ABLIM2: variants seen among roughly 807,000 people sequenced by gnomAD.
ABLIM2 encodes actin-binding LIM protein 2.
A neutral mutation model predicts 97.7 loss-of-function variants in ABLIM2; 53 were observed. The observed-to-expected ratio is 0.54, with a 90% confidence interval of 0.44 to 0.68. The LOEUF is 0.68. ABLIM2 is among the 30% of genes least tolerant of loss of function. The pLI is 0.00. For synonymous variants in ABLIM2, 361 were observed against 345.8 expected (o/e 1.04, Z -0.49); for missense variants, 835 against 867.2 (o/e 0.96, Z 0.47).
At chr4:7,968,760 G>A (rs1348420119) in intron 20 of ABLIM2, among the ~76,000 whole-genome samples, 3 of 152,074 alleles carry the variant, frequency 2.0e-5, no homozygotes, top group East Asian at 1.9e-4. Context: ...GGAATGTTCC[G>A]GAGTTGGAAT....
At chr4:8,074,106 A>G (rs1016538198) in intron 6 of ABLIM2, among the ~76,000 whole-genome samples, 16 of 150,380 alleles carry the variant, frequency 1.1e-4, no homozygotes, top group East Asian at 1.9e-4. Context: ...AAAAAAAAAA[A>G]AAAAAAAAAA....
intron 6 of ABLIM2, among the ~76,000 whole-genome samples, chr4:8,063,279 A>C (rs184568602): frequency 1.3e-4 from 20 of 152,288 alleles, no homozygotes; most frequent in Non-Finnish European, 2.1e-4. Context: ...GTTGGCCAGG[A>C]TGGTCTCAAT....
intron 2 of ABLIM2, among the ~76,000 whole-genome samples, chr4:8,105,367 C>A (rs190490354): frequency 5.3e-4 from 80 of 152,348 alleles, no homozygotes; most frequent in African/African-American, 1.9e-3. Context: ...CAGCAGACAG[C>A]GAATGTGTCC....
In ABLIM2 at chr4:8,127,226, G is replaced by A. The variant is rs966053856; in HGVS notation, c.11-20589C>T. On this transcript the variant is annotated intron_variant, in intron 1 of 20. Transcript: ENST00000447017. This position sits in a 1 kb window ranked among gnomAD's most constrained non-coding sequence, Gnocchi z 7.3. The stretch of plus-strand genomic sequence containing the variant: ...GGTCAGTGGGTGCTGGAGTCCAGAC[G>A]CAGCTCCGATACCAGCACCGTGTGA... 2.0e-5 allele frequency among the ~76,000 whole-genome samples: 3 copies of A among 152,146 alleles called. No homozygotes were observed. Among genetic ancestry groups the A allele is most frequent in the African/African-American group, 7.2e-5 (3 of 41,444 alleles).
rs1399931290 is a variant in ABLIM2 at position 8,140,925 on chromosome 4, T to A, written c.10+17755A>T. Among the ~76,000 whole-genome samples, 1 of 152,052 alleles carries A rather than the reference T, an allele frequency of 6.6e-6. No homozygotes were observed. Among genetic ancestry groups the A allele is most frequent in the Non-Finnish European group, 1.5e-5 (1 of 68,016 alleles). On this transcript the variant is annotated intron_variant, in intron 1 of 20. Coordinates refer to ENST00000447017, the MANE Select transcript of ABLIM2 (RefSeq NM_001130083.2). This position sits in a 1 kb window ranked among gnomAD's most constrained non-coding sequence, Gnocchi z 5.9. ...GGTGTGAACGGTGTTTTTCTAGAACTCCTTACTCATTAAAATCCACGGTAA... is the reference window on the plus strand; with the variant it reads ...GGTGTGAACGGTGTTTTTCTAGAACACCTTACTCATTAAAATCCACGGTAA...
intron 1 of ABLIM2, 130 bp downstream of exon 1, chr4:8,158,550 G>C: frequency 8.2e-7 from 1 of 1,212,920 alleles, no homozygotes; most frequent in Non-Finnish European, 1.1e-6. Flanking sequence ...AAATCCTGGA[G>C]CAAAAGTTGG....
chr4:8,122,521 G>C lies in ABLIM2; in HGVS notation c.11-15884C>G, dbSNP rs764851132. Among the ~76,000 whole-genome samples the C allele has an allele frequency of 2.0e-5, 3 of 152,180 alleles. No homozygotes were observed. The highest frequency in any genetic ancestry group is 6.5e-5 in the Admixed American group (1 of 15,286). ...TCTTACTGTGTCCTCACAAGGCAGA[G>C]AGCGCGCTCTGGGCAGGAGTCCCAT... On this transcript the variant is annotated intron_variant, in intron 1 of 20. Coordinates refer to ENST00000447017, the MANE Select transcript of ABLIM2 (RefSeq NM_001130083.2). The surrounding 1 kb of genome is among the most constrained non-coding windows in gnomAD (Gnocchi z 4.1).
intron 16 of ABLIM2, among the ~76,000 whole-genome samples, chr4:8,000,806 AAG>A (rs2150182499): frequency 6.6e-6 from 1 of 152,230 alleles, no homozygotes; most frequent in East Asian, 1.9e-4. Context: ...CCCAGGCACT[AAG>A]AGTCCATGGG....
chr4:8,044,432 T>C lies in ABLIM2; in HGVS notation c.900+732A>G, dbSNP rs1355929901. Reference sequence around the variant, plus strand: ...CAATATTAGCAAACATTAAATACAATATTAAATATTAAATTTACATATACA... The same window carrying C: ...CAATATTAGCAAACATTAAATACAACATTAAATATTAAATTTACATATACA... On this transcript the variant is annotated intron_variant, in intron 9 of 20. Coordinates refer to ENST00000447017, the MANE Select transcript of ABLIM2 (RefSeq NM_001130083.2). This position sits in a 1 kb window ranked among gnomAD's most constrained non-coding sequence, Gnocchi z 4.4. Among the ~76,000 whole-genome samples, 1 of 151,948 alleles carries C rather than the reference T, an allele frequency of 6.6e-6. No individual in the cohort carries two copies. The highest frequency in any genetic ancestry group is 1.5e-5 in the Non-Finnish European group (1 of 67,998).
At chr4:8,063,559 G>T (rs1170589399) in intron 6 of ABLIM2, among the ~76,000 whole-genome samples, 1 of 152,230 alleles carries the variant, frequency 6.6e-6, no homozygotes, top group African/African-American at 2.4e-5. Context: ...AGGTCACACA[G>T]CAGCAGGTGG....
At chr4:8,014,385 A>AT (rs913208900) in intron 14 of ABLIM2, among the ~76,000 whole-genome samples, 5 of 152,276 alleles carry the variant, frequency 3.3e-5, no homozygotes, top group African/African-American at 9.6e-5. Context: ...CATCAACAGG[A>AT]TTTTTTTCTG....
At position 8,113,662 on chromosome 4, in the gene ABLIM2, C is replaced by T. The variant is rs1265161537; in HGVS notation, c.11-7025G>A. ...ATGGCAGGGGTTCTCATCGGAGGCC[C>T]GCTCCATCCGCCAAGATGATTTCAG... On this transcript the variant is annotated intron_variant, in intron 1 of 20. Transcript: ENST00000447017. This position sits in a 1 kb window ranked among gnomAD's most constrained non-coding sequence, Gnocchi z 4.5. Among the ~76,000 whole-genome samples the T allele has an allele frequency of 2.6e-5, 4 of 152,194 alleles. No homozygotes were observed. The highest frequency in any genetic ancestry group is 1.5e-5 in the Non-Finnish European group (1 of 68,038).
Position 8,128,844 on chromosome 4 carries a change from G to T in ABLIM2, c.11-22207C>A, listed in dbSNP as rs937027566. ...GCCTCGCTCTTTCTACCACATGAGGGTGCGAGGAAAAGGCGGCTGTCTGCA... is the reference window on the plus strand; with the variant it reads ...GCCTCGCTCTTTCTACCACATGAGGTTGCGAGGAAAAGGCGGCTGTCTGCA... On this transcript the variant is annotated intron_variant, in intron 1 of 20. Coordinates refer to ENST00000447017, the MANE Select transcript of ABLIM2 (RefSeq NM_001130083.2). The surrounding 1 kb of genome is among the most constrained non-coding windows in gnomAD (Gnocchi z 4.9). Among the ~76,000 whole-genome samples the T allele has an allele frequency of 3.3e-5, 5 of 152,294 alleles. No individual in the cohort carries two copies. Among genetic ancestry groups the T allele is most frequent in the African/African-American group, 9.6e-5 (4 of 41,560 alleles).
At position 8,007,659 on chromosome 4, in the gene ABLIM2, C is replaced by A. The variant is rs987731683; in HGVS notation, c.1618+400G>T. 6.0e-6 allele frequency: 6 copies of A among 1,003,166 alleles called. No homozygotes were observed. In the African/African-American group the frequency reaches 1.0e-4, roughly 17 times the overall value. 62.1% of individuals were successfully genotyped at this position (1,003,166 alleles called of 1,614,324 possible). A position where few individuals can be genotyped will look rare whatever the true frequency, so the allele number is the denominator to read the frequency against. On this transcript the variant is annotated intron_variant, in intron 16 of 20. Transcript: ENST00000447017. ...GAGTCACAGGGGACAGGGATGGTGC[C>A]CATCACCAACTCCAAGTCTGCACTC...
At chr4:8,131,230 CCACATGCAG>C (rs1849311610) in intron 1 of ABLIM2, among the ~76,000 whole-genome samples, 1 of 152,200 alleles carries the variant, frequency 6.6e-6, no homozygotes, top group Admixed American at 6.5e-5. Flanking sequence ...TCTCAGCCAA[CCACATGCAG>C]CAGCAGCTTA....
chr4:7,989,830 C>T (rs66787043), intron 17 of ABLIM2, among the ~76,000 whole-genome samples: 16,914 of 152,202 alleles, frequency 0.11, 1,093 homozygotes, highest in Non-Finnish European at 0.15. Flanking sequence ...TGCCACCAGT[C>T]GTCACTCTCT....
intron 12 of ABLIM2, among the ~76,000 whole-genome samples, chr4:8,026,162 A>AT (rs1777211321): frequency 1.3e-5 from 2 of 152,140 alleles, no homozygotes; most frequent in African/African-American, 2.4e-5. Context: ...ATGCACCACC[A>AT]TGCCCGGCGT....
In ABLIM2 at chr4:8,015,709, G is replaced by A. The variant is rs940054188; in HGVS notation, c.1423+3909C>T. On this transcript the variant is annotated intron_variant, in intron 14 of 20. Coordinates refer to ENST00000447017, the MANE Select transcript of ABLIM2 (RefSeq NM_001130083.2). The surrounding 1 kb of genome is among the most constrained non-coding windows in gnomAD (Gnocchi z 4.6). The stretch of plus-strand genomic sequence containing the variant: ...AGTGGTGGGAGGTGTGTGTTGGGGG[G>A]TGAGGAGAGAGCTGCATTGCCATCT... Among the ~76,000 whole-genome samples the A allele has an allele frequency of 1.3e-5, 2 of 152,164 alleles. No individual in the cohort carries two copies. The highest frequency in any genetic ancestry group is 3.9e-4 in the East Asian group (2 of 5,190).
intron 14 of ABLIM2, among the ~76,000 whole-genome samples, chr4:8,017,558 G>A (rs1770350733): frequency 6.6e-6 from 1 of 152,056 alleles, no homozygotes; most frequent in Non-Finnish European, 1.5e-5. Flanking sequence ...AAAGCGCTAG[G>A]ATTACAGGTG....
Sources: allele counts gnomAD v4.1 joint callset (sites outside exome capture counted in the v4.1 genomes callset), GRCh38; gene constraint gnomAD v4.1.1; non-coding constraint Gnocchi (gnomAD v3.1); transcripts MANE v1.5; gene names NCBI Gene and HGNC (gene_info 2026-07-23, HGNC 2026-07-21).